Variants in ADAM22 observed in about 807,000 individuals in gnomAD.
ADAM22 encodes the protein ADAM metallopeptidase domain 22.
ADAM22 carries 65 observed loss-of-function variants against 144.6 expected under a neutral mutation model. The ratio of observed to expected loss-of-function variants is 0.45; its 90% CI spans 0.37 to 0.55. The LOEUF is 0.55. Ranked by LOEUF, ADAM22 falls within the 20% of genes least tolerant of loss-of-function variation. The pLI, the probability that ADAM22 is intolerant of heterozygous loss-of-function variation, is 0.00. For synonymous variants in ADAM22, 391 were observed against 412.6 expected (o/e 0.95, Z 0.63); for missense variants, 974 against 1,184.9 (o/e 0.82, Z 2.61).
intron 3 of ADAM22, among the ~76,000 whole-genome samples, chr7:88,037,124 T>A (rs1333591608): frequency 6.6e-6 from 1 of 152,104 alleles, no homozygotes; most frequent in African/African-American, 2.4e-5. Context: ...TATGAACATA[T>A]TTGCGCAGTA....
At chr7:88,145,534 C>G (rs769634272) in intron 17 of ADAM22, 27 bp downstream of exon 17, 1 of 1,562,524 alleles carries the variant, frequency 6.4e-7, no homozygotes, top group Admixed American at 1.7e-5. Context: ...GACCATTTGA[C>G]AGAAAAAAAG....
intron 23 of ADAM22, among the ~76,000 whole-genome samples, 153 bp from the exon 24 acceptor site, chr7:88,165,679 G>A (rs983203783): frequency 1.3e-4 from 19 of 151,722 alleles, no homozygotes; most frequent in Non-Finnish European, 1.9e-4. Context: ...GGTACTGGAG[G>A]GAGAAATAAT....
At position 87,934,421 on chromosome 7, in the gene ADAM22, A is replaced by G. The variant is rs576741440; in HGVS notation, c.-45A>G. 2.6e-6 allele frequency: 4 copies of G among 1,549,854 alleles called. No individual in the cohort carries two copies. The highest frequency in any genetic ancestry group is 2.6e-6 in the Non-Finnish European group (3 of 1,152,018). ...GGGAAACGGACTCGGCGGCGCCGGC[A>G]TGAGGAGCTGAGCGTCTCGGGCGAG... is the stretch of plus-strand genomic sequence containing the variant. On this transcript the variant is annotated 5_prime_UTR_variant, in exon 1 of 32. It removes an upstream start codon present in the reference 5' UTR. Transcript: ENST00000413139.
At chr7:88,064,798 T>G (rs1810797129) in intron 3 of ADAM22, among the ~76,000 whole-genome samples, 1 of 152,142 alleles carries the variant, frequency 6.6e-6, no homozygotes, top group South Asian at 2.1e-4. Context: ...CCTTGAGGGT[T>G]AAGTTCCAAT....
At chr7:88,028,282 A>G (rs1799477049) in intron 3 of ADAM22, among the ~76,000 whole-genome samples, 1 of 152,074 alleles carries the variant, frequency 6.6e-6, no homozygotes, top group Non-Finnish European at 1.5e-5. Flanking sequence ...ATGTGTTTGT[A>G]TAGTTTCCAA....
chr7:88,113,703 AATATATATATATAT>A (rs58099116), intron 5 of ADAM22, among the ~76,000 whole-genome samples: 9 of 48,106 alleles, frequency 1.9e-4, no homozygotes, highest in Admixed American at 5.6e-4. Flanking sequence ...TAAATAAATA[AATATATATATATAT>A]ATATATATAT....
chr7:88,092,797 GTTGGCC>G (rs1820293309), intron 4 of ADAM22, among the ~76,000 whole-genome samples: 1 of 152,226 alleles, frequency 6.6e-6, no homozygotes, highest in African/African-American at 2.4e-5. Flanking sequence ...AGGAAAATAT[GTTGGCC>G]CATTGCCAGT....
At chr7:88,089,275 G>GA (rs1408946858) in intron 4 of ADAM22, among the ~76,000 whole-genome samples, 1 of 151,890 alleles carries the variant, frequency 6.6e-6, no homozygotes, top group Non-Finnish European at 1.5e-5. Flanking sequence ...TATAAAAAAA[G>GA]AAAAAACAGA....
chr7:88,023,225 A>T (rs536299334), intron 3 of ADAM22, among the ~76,000 whole-genome samples: 2 of 152,268 alleles, frequency 1.3e-5, no homozygotes, highest in Admixed American at 1.3e-4. Flanking sequence ...CTAGGATCTC[A>T]GTTATATCAG....
rs765418379 is a variant in ADAM22 at position 88,116,828 on chromosome 7, A to G, written c.607+14A>G. 5.7e-6 allele frequency: 9 copies of G among 1,592,280 alleles called. No individual in the cohort carries two copies. Among genetic ancestry groups the G allele is most frequent in the South Asian group, 1.1e-5 (1 of 90,442 alleles). ...ATCTTCCATCTGGTATGATGTTCATATAGTGACTTTTTATCTAAAAGACAA... is the reference window on the plus strand; with the variant it reads ...ATCTTCCATCTGGTATGATGTTCATGTAGTGACTTTTTATCTAAAAGACAA... On this transcript the variant is annotated intron_variant, in intron 7 of 31. Transcript: ENST00000413139.
At chr7:88,083,392 G>T (rs1817455943) in intron 4 of ADAM22, among the ~76,000 whole-genome samples, 1 of 151,960 alleles carries the variant, frequency 6.6e-6, no homozygotes, top group Non-Finnish European at 1.5e-5. Context: ...AATGCTAAAT[G>T]ATGAGTTAAT....
intron 2 of ADAM22, among the ~76,000 whole-genome samples, chr7:87,940,910 C>T (rs1464424697): frequency 2.0e-5 from 3 of 152,120 alleles, no homozygotes; most frequent in African/African-American, 7.2e-5. Flanking sequence ...CCTACTGAGT[C>T]TTATTGATGG....
At chr7:88,105,195 A>G (rs1824027370) in intron 4 of ADAM22, among the ~76,000 whole-genome samples, 1 of 152,148 alleles carries the variant, frequency 6.6e-6, no homozygotes, top group Admixed American at 6.6e-5. Flanking sequence ...GTCTGATACC[A>G]TAATTCTCGA....
chr7:87,947,649 C>T (rs558731361), intron 2 of ADAM22, among the ~76,000 whole-genome samples: 1 of 152,220 alleles, frequency 6.6e-6, no homozygotes, highest in South Asian at 2.1e-4. Flanking sequence ...ACAATGTTCT[C>T]TCATAGTTAA....
intron 4 of ADAM22, among the ~76,000 whole-genome samples, chr7:88,097,121 C>T (rs949634481): frequency 3.3e-5 from 5 of 150,298 alleles, no homozygotes; most frequent in African/African-American, 9.8e-5. Context: ...CTCTCTTGGA[C>T]GTGCTGCAAC....
intron 11 of ADAM22, 74 bp from the exon 12 acceptor site, chr7:88,132,793 G>A: frequency 8.4e-7 from 1 of 1,189,224 alleles, no homozygotes; most frequent in East Asian, 2.4e-5. Context: ...AATAAATGTA[G>A]TAAACTAATA....
At chr7:88,065,156 A>AT in intron 3 of ADAM22, among the ~76,000 whole-genome samples, 1 of 152,106 alleles carries the variant, frequency 6.6e-6, no homozygotes, top group Admixed American at 6.6e-5. Context: ...CAAAGGTGAA[A>AT]TTTTTAAACA....
In ADAM22 at chr7:88,134,331, T is replaced by C. The variant is rs751340291; in HGVS notation, c.1080T>C (p.Phe360=). Residue 360 remains phenylalanine (F), a splice_region_variant and synonymous_variant, in exon 13 of 32, where the codon TTT becomes TTC. Coordinates refer to ENST00000413139, the MANE Select transcript of ADAM22 (RefSeq NM_001324418.2). ...TTATTTTTGTTTTTGTTTTTCAGTTTGGGAAAACTGATTTAATGGCTGTTA... is the reference window on the plus strand; with the variant it reads ...TTATTTTTGTTTTTGTTTTTCAGTTCGGGAAAACTGATTTAATGGCTGTTA... ...SLLKGGGVNE[F]GKTDLMAVTL... 6.2e-7 allele frequency: 1 copy of C among 1,602,526 alleles called. No homozygotes were observed. Among genetic ancestry groups the C allele is most frequent in the Admixed American group, 1.7e-5 (1 of 57,630 alleles).
At position 88,019,539 on chromosome 7, in the gene ADAM22, A is replaced by C. The variant is rs541504068; in HGVS notation, c.323+41127A>C. ...TGACTTTGAAATTTATAATGGTATA[A>C]ACTTACTTCAAAATATATTTTGTTC... On this transcript the variant is annotated intron_variant, in intron 3 of 31. Coordinates refer to ENST00000413139, the MANE Select transcript of ADAM22 (RefSeq NM_001324418.2). Among the ~76,000 whole-genome samples the C allele has an allele frequency of 6.6e-5, 10 of 151,684 alleles. No homozygotes were observed. The East Asian group carries it at 2.0e-3, about 30-fold the overall frequency.
Sources: gnomAD v4.1 joint callset for allele counts (sites outside exome capture counted in the v4.1 genomes callset) on GRCh38, gnomAD v4.1.1 for gene constraint, MANE v1.5 for transcripts, NCBI Gene and HGNC (gene_info 2026-07-23, HGNC 2026-07-21) for gene names.